Variants in THBS1 observed in about 807,000 individuals in gnomAD.
THBS1 encodes thrombospondin-1.
THBS1 carries 29 observed loss-of-function variants against 126.1 expected under a neutral mutation model. The observed-to-expected ratio is 0.23, with a 90% CI of 0.17 to 0.31. THBS1 has a LOEUF of 0.31. Among genes scored for constraint, THBS1 ranks in the 10% least tolerant of loss-of-function variants. The pLI, the probability that THBS1 is intolerant of heterozygous loss-of-function variation, is 1.00. For missense variants in THBS1, 1,198 were observed against 1,545.2 expected, an observed-to-expected ratio of 0.78 and a Z score of 3.77; for synonymous variants, 496 against 577.8, an observed-to-expected ratio of 0.86 and a Z score of 2.03.
Position 39,582,558 on chromosome 15 carries a change from G to A in THBS1, c.433G>A (p.Glu145Lys). The A allele has an allele frequency of 6.2e-7, 1 of 1,614,188 alleles. No homozygotes were observed. Among genetic ancestry groups the A allele is most frequent in the Non-Finnish European group, 8.5e-7 (1 of 1,180,038 alleles). The change falls in exon 3 of 22, where the codon GAA becomes AAA. Residue 145 changes from glutamate to lysine, a missense_variant. Glu to Lys is a moderately conservative substitution (Grantham distance 56). This residue lies in a region of THBS1 where 271 missense variants were observed against 277.0 expected (regional missense o/e 0.98). Transcript: ENST00000260356. Reference sequence around the variant, plus strand: ...AAAGCAGCACGTGGTGTCTGTGGAAGAAGCTCTCCTGGCAACCGGCCAGTG... The same window carrying A: ...AAAGCAGCACGTGGTGTCTGTGGAAAAAGCTCTCCTGGCAACCGGCCAGTG... ...QGKQHVVSVE[E>K]ALLATGQWKS...
At position 39,584,187 on chromosome 15, in the gene THBS1, G is replaced by T. The variant is rs1352606630; in HGVS notation, c.903G>T (p.Val301=). The T allele has an allele frequency of 1.9e-6, 3 of 1,614,048 alleles. No homozygotes were observed. The East Asian group carries it at 6.7e-5, about 36-fold the overall frequency. Reference sequence around the variant, plus strand: ...CGCTGCAGGACAGCATCCGCAAAGTGGTCAGTGGCCTCTGCACCCAGCCCG... The same window carrying T: ...CGCTGCAGGACAGCATCCGCAAAGTTGTCAGTGGCCTCTGCACCCAGCCCG... The part of the protein sequence containing the change: ...VTTLQDSIRK[V]TEENKELANE... Residue 301 remains valine (V), a splice_region_variant and synonymous_variant, in exon 5 of 22, where the codon GTG becomes GTT. Transcript: ENST00000260356.
chr15:39,591,576 G>A lies in THBS1; in HGVS notation c.2485G>A (p.Val829Ile). Residue 829 changes from valine (V) to isoleucine (I), a missense_variant, in exon 16 of 22, where the codon GTT becomes ATT. Physicochemically the swap from Val to Ile is conservative, Grantham distance 29. This residue lies in a region of THBS1 where 663 missense variants were observed against 860.1 expected (regional missense o/e 0.77). Coordinates refer to ENST00000260356, the MANE Select transcript of THBS1 (RefSeq NM_003246.4). Reference sequence around the variant, plus strand: ...CCAGAGAGACACTGATATGGATGGGGTTGGAGATCAGTGTGACAATTGCCC... The same window carrying A: ...CCAGAGAGACACTGATATGGATGGGATTGGAGATCAGTGTGACAATTGCCC... ...VDQRDTDMDG[V>I]GDQCDNCPLE... 6.2e-7 allele frequency: 1 copy of A among 1,614,228 alleles called. No individual in the cohort carries two copies. The highest frequency in any genetic ancestry group is 8.5e-7 in the Non-Finnish European group (1 of 1,180,042).
rs761404458 is a variant in THBS1, at chr15:39,593,237, G to A, written c.2995+10G>A. ...CCTGGACTCGCTGTAGGTGAGTAGC[G>A]AGTTCTTAGATCCTAAGAGACTGAT... On this transcript the variant is annotated intron_variant, in intron 18 of 21. Transcript: ENST00000260356. This position sits in a 1 kb window ranked among gnomAD's most constrained non-coding sequence, Gnocchi z 5.9. 1.1e-5 allele frequency: 17 copies of A among 1,613,500 alleles called. No individual in the cohort carries two copies. Among genetic ancestry groups the A allele is most frequent in the Admixed American group, 8.3e-5 (5 of 60,000 alleles).
chr15:39,589,698 A>C lies in THBS1; in HGVS notation c.1927-107A>C. The C allele has an allele frequency of 8.2e-7, 1 of 1,226,672 alleles. No homozygotes were observed. Among genetic ancestry groups the C allele is most frequent in the South Asian group, 1.6e-5 (1 of 61,146 alleles). 76.0% of individuals were successfully genotyped at this position (1,226,672 alleles called of 1,614,324 possible). ...GACAGAGGTAACCCACACTCTTCCA[A>C]ATGGAGCCTCTGTCTACTCAGAGAT... On this transcript the variant is annotated intron_variant, in intron 12 of 21. Coordinates refer to ENST00000260356, the MANE Select transcript of THBS1 (RefSeq NM_003246.4). This position sits in a 1 kb window ranked among gnomAD's most constrained non-coding sequence, Gnocchi z 4.7.
rs764277753 is a variant in THBS1 at position 39,588,161 on chromosome 15, A to G, written c.1414A>G (p.Lys472Glu). 2 of 1,614,054 alleles carry G rather than the reference A, an allele frequency of 1.2e-6. No homozygotes were observed. Among genetic ancestry groups the G allele is most frequent in the Admixed American group, 3.3e-5 (2 of 60,002 alleles). Residue 472 changes from lysine (K) to glutamate (E), a missense_variant, in exon 9 of 22, where the codon AAA (lysine) becomes GAA (glutamate). Around this residue, in one of 4 missense-constraint regions of THBS1, gnomAD observed 663 missense variants for 860.1 expected, o/e 0.77. Transcript: ENST00000260356. ...CTCTCCCAGCCCCCAGATGAACGGGAAACCCTGTGAAGGCGAAGCGCGGGA... is the reference window on the plus strand; with the variant it reads ...CTCTCCCAGCCCCCAGATGAACGGGGAACCCTGTGAAGGCGAAGCGCGGGA... ...CNSPSPQMNG[K>E]PCEGEARETK...
chr15:39,594,177 C>A lies in THBS1; in HGVS notation c.3346C>A (p.Pro1116Thr). 1.9e-6 allele frequency: 3 copies of A among 1,614,174 alleles called. No individual in the cohort carries two copies. The highest frequency in any genetic ancestry group is 2.5e-6 in the Non-Finnish European group (3 of 1,180,022). ...TAYRWRLSHR[P>T]KTGFIRVVMY... ...CTACAGATGGCGTCTCAGCCACAGGCCAAAGACGGGTTTCATTAGGTACGA... is the reference window on the plus strand; with the variant it reads ...CTACAGATGGCGTCTCAGCCACAGGACAAAGACGGGTTTCATTAGGTACGA... Residue 1116 changes from proline (P) to threonine (T), a missense_variant, in exon 20 of 22, where the codon CCA (proline) becomes ACA (threonine). By Grantham distance (38) the Pro-to-Thr change is conservative (BLOSUM62 -1). Transcript: ENST00000260356. The surrounding 1 kb of genome is among the most constrained non-coding windows in gnomAD (Gnocchi z 4.4).
At chr15:39,583,151 G>A (rs934815620) in intron 3 of THBS1, among the ~76,000 whole-genome samples, 3 of 152,260 alleles carry the variant, frequency 2.0e-5, no homozygotes, top group Non-Finnish European at 4.4e-5. Flanking sequence ...ACTTTCTATG[G>A]GCAGAATCAG....
chr15:39,593,385 C>G lies in THBS1; in HGVS notation c.2996-12C>G. ...CTGCAGGTTTTAACCTGGCTCTGGG[C>G]TCTTCTTCCAGGTTATGATGAGTTT... On this transcript the variant is annotated splice_polypyrimidine_tract_variant and intron_variant, in intron 18 of 21. Coordinates refer to ENST00000260356, the MANE Select transcript of THBS1 (RefSeq NM_003246.4). The surrounding 1 kb of genome is among the most constrained non-coding windows in gnomAD (Gnocchi z 5.9). 8.1e-6 allele frequency: 13 copies of G among 1,613,640 alleles called. No homozygotes were observed. The highest frequency in any genetic ancestry group is 1.1e-5 in the Non-Finnish European group (13 of 1,179,700).
Position 39,595,696 on chromosome 15 carries a change from G to A in THBS1, c.*327G>A, listed in dbSNP as rs1409889914. On this transcript the variant is annotated 3_prime_UTR_variant, in exon 22 of 22. Coordinates refer to ENST00000260356, the MANE Select transcript of THBS1 (RefSeq NM_003246.4). Reference sequence around the variant, plus strand: ...CTTTGTCACAGAGCAGGGTGCTATTGTGAGGCCATCTCTGAGCAGTGGACT... The same window carrying A: ...CTTTGTCACAGAGCAGGGTGCTATTATGAGGCCATCTCTGAGCAGTGGACT... 1 of 535,558 alleles carries A rather than the reference G, an allele frequency of 1.9e-6. No individual in the cohort carries two copies. Among genetic ancestry groups the A allele is most frequent in the South Asian group, 1.5e-5 (1 of 65,306 alleles). The allele number at this position is 535,558 out of a possible 1,614,324, so 33.2% of individuals were successfully genotyped here. A position where few individuals can be genotyped will look rare whatever the true frequency, so the allele number is the denominator to read the frequency against.
intron 7 of THBS1, among the ~76,000 whole-genome samples, chr15:39,585,956 G>A (rs959207878): frequency 6.6e-6 from 1 of 152,152 alleles, no homozygotes; most frequent in African/African-American, 2.4e-5. Context: ...TGTAAGCATT[G>A]GCCTGATCGG....
At chr15:39,590,312 A>G (rs1426969082) in intron 13 of THBS1, among the ~76,000 whole-genome samples, 1 of 152,212 alleles carries the variant, frequency 6.6e-6, no homozygotes, top group East Asian at 1.9e-4. Flanking sequence ...CACAACATCT[A>G]TAAAGCCTAG....
Position 39,593,760 on chromosome 15 carries a change from A to C in THBS1, c.3267+92A>C. On this transcript the variant is annotated intron_variant, in intron 19 of 21. Coordinates refer to ENST00000260356, the MANE Select transcript of THBS1 (RefSeq NM_003246.4). The surrounding 1 kb of genome is among the most constrained non-coding windows in gnomAD (Gnocchi z 5.9). ...GCTTTGACCAAGACTCTGACCAGGG[A>C]GTCTTAGAAAGTTCCCAGCATCACC... is the stretch of plus-strand genomic sequence containing the variant. 1 of 1,510,142 alleles carries C rather than the reference A, an allele frequency of 6.6e-7. No homozygotes were observed. The highest frequency in any genetic ancestry group is 1.3e-5 in the South Asian group (1 of 76,628). The allele number at this position is 1,510,142 out of a possible 1,614,324, so 93.5% of individuals were successfully genotyped here.
rs369975939 is a variant in THBS1, at chr15:39,594,552, T to G, written c.3505+112T>G. 9.0e-5 allele frequency: 131 copies of G among 1,455,018 alleles called. No individual in the cohort carries two copies. The African/African-American group carries it at 1.7e-3, about 19-fold the overall frequency. 90.1% of individuals were successfully genotyped at this position (1,455,018 alleles called of 1,614,324 possible). On this transcript the variant is annotated intron_variant, in intron 21 of 21. Coordinates refer to ENST00000260356, the MANE Select transcript of THBS1 (RefSeq NM_003246.4). The surrounding 1 kb of genome is among the most constrained non-coding windows in gnomAD (Gnocchi z 4.4). ...AAAGACTGTTTTGGAGACAGGGTTA[T>G]TTCTATTTTGCTTTTGAGGACACAA... is the stretch of plus-strand genomic sequence containing the variant.
At position 39,592,499 on chromosome 15, in the gene THBS1, G is replaced by A. The variant is rs1471481870; in HGVS notation, c.2533-69G>A. 1 of 1,303,008 alleles carries A rather than the reference G, an allele frequency of 7.7e-7. No homozygotes were observed. The highest frequency in any genetic ancestry group is 1.1e-6 in the Non-Finnish European group (1 of 938,710). 80.7% of individuals were successfully genotyped at this position (1,303,008 alleles called of 1,614,324 possible). A position where few individuals can be genotyped will look rare whatever the true frequency, so the allele number is the denominator to read the frequency against. ...CAATGGAGAATTTTCCCTGTGGTGG[G>A]GGCATAAGTTATCTTTAACATGAAT... On this transcript the variant is annotated intron_variant, in intron 16 of 21. Transcript: ENST00000260356. The surrounding 1 kb of genome is among the most constrained non-coding windows in gnomAD (Gnocchi z 4.3).
At chr15:39,586,146 A>C (rs1305379615) in intron 7 of THBS1, among the ~76,000 whole-genome samples, 1 of 152,226 alleles carries the variant, frequency 6.6e-6, no homozygotes, top group Non-Finnish European at 1.5e-5. Flanking sequence ...TGTAGCAGGT[A>C]CAAGTTATAA....
chr15:39,584,459 G>C (rs757134859), intron 6 of THBS1, 37 bp downstream of exon 6: 1 of 1,611,592 alleles, frequency 6.2e-7, no homozygotes, highest in Admixed American at 1.7e-5. Context: ...AGAATCGACG[G>C]CTTTTGTTTG....
Position 39,589,480 on chromosome 15 carries a change from G to C in THBS1, c.1926+126G>C. 4.0e-6 allele frequency: 5 copies of C among 1,259,234 alleles called. No homozygotes were observed. The highest frequency in any genetic ancestry group is 5.4e-6 in the Non-Finnish European group (5 of 931,476). 78.0% of individuals were successfully genotyped at this position (1,259,234 alleles called of 1,614,324 possible). On this transcript the variant is annotated intron_variant, in intron 12 of 21. Transcript: ENST00000260356. This position sits in a 1 kb window ranked among gnomAD's most constrained non-coding sequence, Gnocchi z 4.7. ...AAAAAGGGCGAGGAGATGAATGTACGGTCTAGTTTTAGAAACGTGATTAGA... is the reference window on the plus strand; with the variant it reads ...AAAAAGGGCGAGGAGATGAATGTACCGTCTAGTTTTAGAAACGTGATTAGA...
chr15:39,591,498 T>C lies in THBS1; in HGVS notation c.2414-7T>C. ...CCCAGCTCTTATTTGTCCCTTGTTC[T>C]CTTCAGGTATCCTCAATGAACGGGA... is the stretch of plus-strand genomic sequence containing the variant. On this transcript the variant is annotated splice_polypyrimidine_tract_variant and splice_region_variant and intron_variant, in intron 15 of 21. Transcript: ENST00000260356. The C allele has an allele frequency of 6.2e-7, 1 of 1,614,112 alleles. No individual in the cohort carries two copies. The highest frequency in any genetic ancestry group is 2.2e-5 in the East Asian group (1 of 44,888).
At chr15:39,581,533 A>G (rs1345458063) in intron 1 of THBS1, among the ~76,000 whole-genome samples, 1 of 151,364 alleles carries the variant, frequency 6.6e-6, no homozygotes, top group East Asian at 1.9e-4. Flanking sequence ...CCTCCCTGCA[A>G]CCCCAAACTA....
Sources: allele counts gnomAD v4.1 joint callset (sites outside exome capture counted in the v4.1 genomes callset), GRCh38; gene constraint gnomAD v4.1.1; regional missense constraint gnomAD v4.1.1; non-coding constraint Gnocchi (gnomAD v3.1); transcripts MANE v1.5; gene names NCBI Gene and HGNC (gene_info 2026-07-23, HGNC 2026-07-21).